The following ST8SIA6 variants were observed in gnomAD, a reference collection of about 807,000 sequenced individuals.
ST8SIA6 encodes the protein alpha-2,8-sialyltransferase 8F.
ST8SIA6 carries 39 observed loss-of-function variants against 33.6 expected under a neutral mutation model. The ratio of observed to expected loss-of-function variants is 1.16; its 90% CI spans 0.90 to 1.52. The LOEUF (loss-of-function observed/expected upper bound fraction) is 1.52. Ranked by LOEUF, ST8SIA6 falls within the 40% of genes most tolerant of loss-of-function variation. ST8SIA6 has a pLI of 0.00. For missense variants in ST8SIA6, 441 were observed against 443.8 expected, an observed-to-expected ratio of 0.99 and a Z score of 0.06; for synonymous variants, 172 against 167.2, an observed-to-expected ratio of 1.03 and a Z score of -0.22.
intron 2 of ST8SIA6, among the ~76,000 whole-genome samples, chr10:17,398,560 A>G (rs1303861353): frequency 2.0e-5 from 3 of 152,196 alleles, no homozygotes; most frequent in African/African-American, 7.2e-5. Flanking sequence ...ATGGGCAACA[A>G]AGGAGTTTCA....
intron 6 of ST8SIA6, among the ~76,000 whole-genome samples, chr10:17,324,884 G>A (rs1041494987): frequency 2.1e-5 from 3 of 143,708 alleles, no homozygotes; most frequent in Non-Finnish European, 4.5e-5. Context: ...TGTAATATAT[G>A]TATATTATAT....
chr10:17,418,940 C>T (rs184600986), intron 2 of ST8SIA6, among the ~76,000 whole-genome samples: 16 of 125,048 alleles, frequency 1.3e-4, no homozygotes, highest in African/African-American at 4.3e-4. Context: ...TTGCAGTGAG[C>T]GGAGATCGTG....
At chr10:17,444,813 A>G (rs1370727030) in intron 2 of ST8SIA6, among the ~76,000 whole-genome samples, 1 of 152,156 alleles carries the variant, frequency 6.6e-6, no homozygotes, top group Non-Finnish European at 1.5e-5. Flanking sequence ...TGGGGGAGAA[A>G]CCCCTCTGAG....
chr10:17,379,360 A>G (rs564613396), intron 3 of ST8SIA6, among the ~76,000 whole-genome samples: 2 of 152,194 alleles, frequency 1.3e-5, no homozygotes, highest in African/African-American at 4.8e-5. Context: ...TAATCACCTT[A>G]GCGTTTGTTC....
chr10:17,358,691 G>C (rs893821901), intron 4 of ST8SIA6, among the ~76,000 whole-genome samples: 2 of 68,104 alleles, frequency 2.9e-5, no homozygotes, highest in African/African-American at 6.2e-5. Context: ...AGAGGAAGAG[G>C]AAAAAGGAGG....
intron 3 of ST8SIA6, among the ~76,000 whole-genome samples, chr10:17,373,754 G>T (rs1480074182): frequency 6.6e-6 from 1 of 152,034 alleles, no homozygotes; most frequent in East Asian, 1.9e-4. Flanking sequence ...ATTTCTCAAT[G>T]ACTTTAAATA....
intron 3 of ST8SIA6, among the ~76,000 whole-genome samples, chr10:17,383,519 C>G (rs995928757): frequency 3.9e-5 from 6 of 152,090 alleles, no homozygotes; most frequent in African/African-American, 1.4e-4. Flanking sequence ...CATTGTGTGC[C>G]ACAGAGATAA....
intron 2 of ST8SIA6, among the ~76,000 whole-genome samples, chr10:17,392,637 TGAG>T (rs1168716009): frequency 1.3e-5 from 2 of 152,030 alleles, no homozygotes; most frequent in African/African-American, 2.4e-5. Flanking sequence ...TGCAGAGAAA[TGAG>T]GAGAAATGGG....
At chr10:17,359,179 T>C (rs1283556641) in intron 4 of ST8SIA6, among the ~76,000 whole-genome samples, 3 of 152,220 alleles carry the variant, frequency 2.0e-5, no homozygotes, top group Non-Finnish European at 2.9e-5. Context: ...CATACTTTAA[T>C]ACGATGACAT....
At chr10:17,417,214 T>C (rs1259140136) in intron 2 of ST8SIA6, among the ~76,000 whole-genome samples, 1 of 152,026 alleles carries the variant, frequency 6.6e-6, no homozygotes, top group East Asian at 1.9e-4. Flanking sequence ...ACTCAGAGAA[T>C]AAGAACTCAC....
intron 3 of ST8SIA6, among the ~76,000 whole-genome samples, chr10:17,381,478 TA>T (rs34993367): frequency 0.32 from 48,391 of 151,836 alleles, 8,381 homozygotes; most frequent in East Asian, 0.64. Flanking sequence ...TAATTGGCTT[TA>T]AAAAAAAGTG....
At position 17,333,715 on chromosome 10, in the gene ST8SIA6, ATAT is replaced by A. The variant is rs1169531637; in HGVS notation, c.378-2166_378-2164del. Among the ~76,000 whole-genome samples, 92 of 35,406 alleles carry A rather than the reference ATAT, an allele frequency of 2.6e-3. 3 individuals carry two copies. The highest frequency in any genetic ancestry group is 8.4e-3 in the South Asian group (6 of 718). The allele number at this position is 35,406 out of a possible 152,430, so 23.2% of individuals were successfully genotyped here. On this transcript the variant is annotated intron_variant, in intron 4 of 7. Transcript: ENST00000377602. ...TATATATATATATATATATATATAT[ATAT>A]TTTTTTTTTTTTTTTTTTTTTTTGC...
chr10:17,323,295 G>A (rs1408761129), intron 6 of ST8SIA6, 138 bp from the exon 7 acceptor site: 13 of 456,694 alleles, frequency 2.8e-5, no homozygotes, highest in Non-Finnish European at 4.9e-5. Context: ...CATTGCTATT[G>A]AGACCCTCAG....
Position 17,320,684 on chromosome 10 carries a change from T to C in ST8SIA6, c.*194A>G, listed in dbSNP as rs1027480280. On this transcript the variant is annotated 3_prime_UTR_variant, in exon 8 of 8. Transcript: ENST00000377602. The stretch of plus-strand genomic sequence containing the variant: ...TATGAGTCAGATATGGTGTCCATGT[T>C]ATAAGGAGAAAAAATGAAGATGAGA... The C allele has an allele frequency of 6.7e-6, 4 of 599,900 alleles. No homozygotes were observed. Among genetic ancestry groups the C allele is most frequent in the Non-Finnish European group, 1.2e-5 (4 of 340,148 alleles). 37.2% of individuals were successfully genotyped at this position (599,900 alleles called of 1,614,324 possible).
At chr10:17,379,137 C>A (rs7085718) in intron 3 of ST8SIA6, among the ~76,000 whole-genome samples, 1,117 of 105,646 alleles carry the variant, frequency 0.011, 16 homozygotes, top group African/African-American at 0.041. Flanking sequence ...AAAAAAAAAA[C>A]AAAAACAAAA....
At chr10:17,420,654 C>G (rs974011365) in intron 2 of ST8SIA6, among the ~76,000 whole-genome samples, 6 of 152,172 alleles carry the variant, frequency 3.9e-5, no homozygotes, top group African/African-American at 9.7e-5. Flanking sequence ...ATCCTGCCAG[C>G]TACTGGGAGT....
chr10:17,446,333 C>T (rs545922216), intron 2 of ST8SIA6, among the ~76,000 whole-genome samples: 1 of 152,058 alleles, frequency 6.6e-6, no homozygotes. Flanking sequence ...CAGTTAACTA[C>T]AAGAAACAGG....
chr10:17,405,992 T>G (rs993807720), intron 2 of ST8SIA6, among the ~76,000 whole-genome samples: 1 of 152,108 alleles, frequency 6.6e-6, no homozygotes, highest in African/African-American at 2.4e-5. Context: ...ATGCAAAATC[T>G]GTATGAGACA....
intron 3 of ST8SIA6, among the ~76,000 whole-genome samples, chr10:17,380,835 A>G (rs1015290812): frequency 3.9e-5 from 3 of 77,864 alleles, no homozygotes; most frequent in Non-Finnish European, 7.7e-5. Context: ...GTGTGTTTGT[A>G]TGTGTACGTT....
Sources: allele counts gnomAD v4.1 joint callset (sites outside exome capture counted in the v4.1 genomes callset), GRCh38; gene constraint gnomAD v4.1.1; transcripts MANE v1.5; gene names NCBI Gene and HGNC (gene_info 2026-07-23, HGNC 2026-07-21).